Variants in GALNT1 observed in about 807,000 individuals in gnomAD.
GALNT1 encodes polypeptide N-acetylgalactosaminyltransferase 1, also known as GalNAc transferase 1.
GALNT1 carries 17 observed loss-of-function variants against 65.7 expected under a neutral mutation model. The ratio of observed to expected loss-of-function variants is 0.26; its 90% confidence interval spans 0.18 to 0.39. The LOEUF (loss-of-function observed/expected upper bound fraction) is 0.39, where lower values mean the gene tolerates loss of function less well. Among genes scored for constraint, GALNT1 ranks in the 10% least tolerant of loss-of-function variants. GALNT1 has a pLI of 1.00. For missense variants in GALNT1, 460 were observed against 672.8 expected (o/e 0.68, Z 3.50); for synonymous variants, 210 against 219.7 (o/e 0.96, Z 0.39).
chr18:35,637,579 T>G (rs2047107488), intron 1 of GALNT1, among the ~76,000 whole-genome samples: 1 of 152,168 alleles, frequency 6.6e-6, no homozygotes, highest in South Asian at 2.1e-4. Context: ...AGAGATTGGT[T>G]CAGGAGGTTT....
At chr18:35,615,702 C>T (rs187916196) in intron 1 of GALNT1, among the ~76,000 whole-genome samples, 10 of 152,234 alleles carry the variant, frequency 6.6e-5, no homozygotes, top group East Asian at 1.9e-4. Context: ...TATGTCAGTA[C>T]GCATACATAC....
At chr18:35,633,324 GA>G (rs1471281571) in intron 1 of GALNT1, among the ~76,000 whole-genome samples, 2 of 152,134 alleles carry the variant, frequency 1.3e-5, no homozygotes, top group Non-Finnish European at 2.9e-5. Context: ...ACTGGATTAA[GA>G]AAATGTGGCA....
Position 35,632,248 on chromosome 18 carries a change from C to T in GALNT1, c.-103-22312C>T, listed in dbSNP as rs540621593. Among the ~76,000 whole-genome samples the T allele has an allele frequency of 3.9e-5, 6 of 152,266 alleles. No individual in the cohort carries two copies. The South Asian group carries it at 1.0e-3, about 26-fold the overall frequency. ...AAAGAGCCCACATTGTCAAGTCAATCCTAAGCCAAAAGAACAAAGCTGGAG... is the reference window on the plus strand; with the variant it reads ...AAAGAGCCCACATTGTCAAGTCAATTCTAAGCCAAAAGAACAAAGCTGGAG... On this transcript the variant is annotated intron_variant, in intron 1 of 11. Transcript: ENST00000269195.
chr18:35,686,984 A>T, intron 5 of GALNT1, 32 bp from the exon 6 acceptor site: 1 of 1,585,636 alleles, frequency 6.3e-7, no homozygotes, highest in Non-Finnish European at 8.6e-7. Context: ...GAATGTTTTG[A>T]AAGATTTCTT....
At chr18:35,620,645 A>T (rs185717747) in intron 1 of GALNT1, among the ~76,000 whole-genome samples, 42 of 152,310 alleles carry the variant, frequency 2.8e-4, no homozygotes, top group African/African-American at 1.0e-3. Context: ...AATGGAACAT[A>T]TTGTACATAT....
chr18:35,595,083 G>A (rs1256082898), intron 1 of GALNT1, among the ~76,000 whole-genome samples: 4 of 152,002 alleles, frequency 2.6e-5, no homozygotes, highest in Admixed American at 6.6e-5. Context: ...TTGGGATGGG[G>A]CCTAAATGAA....
chr18:35,584,160 T>C (rs1265014269), intron 1 of GALNT1, among the ~76,000 whole-genome samples: 1 of 152,248 alleles, frequency 6.6e-6, no homozygotes, highest in Non-Finnish European at 1.5e-5. Flanking sequence ...AGGAATACTG[T>C]CCTGGCTTTC....
At chr18:35,600,646 A>C (rs190471745) in intron 1 of GALNT1, among the ~76,000 whole-genome samples, 1 of 152,108 alleles carries the variant, frequency 6.6e-6, no homozygotes, top group Non-Finnish European at 1.5e-5. Flanking sequence ...GTACAATGTT[A>C]GCTGTGGGTT....
intron 1 of GALNT1, among the ~76,000 whole-genome samples, chr18:35,635,544 A>C (rs1452081071): frequency 6.6e-6 from 1 of 152,228 alleles, no homozygotes; most frequent in Non-Finnish European, 1.5e-5. Flanking sequence ...GGAATCCCCT[A>C]GAGATTAGCA....
At chr18:35,680,172 T>A (rs2047766071) in intron 4 of GALNT1, among the ~76,000 whole-genome samples, 1 of 152,218 alleles carries the variant, frequency 6.6e-6, no homozygotes. Flanking sequence ...TCCTTCTTCC[T>A]ATCTCAGGGC....
chr18:35,615,054 T>TA (rs1014858232), intron 1 of GALNT1, among the ~76,000 whole-genome samples: 10 of 152,046 alleles, frequency 6.6e-5, no homozygotes, highest in South Asian at 2.1e-4. Context: ...TTATTGCTAT[T>TA]AAAAAAAACA....
In GALNT1 at chr18:35,629,944, T is replaced by C. The variant is rs1006913313; in HGVS notation, c.-103-24616T>C. Among the ~76,000 whole-genome samples, 144 of 151,890 alleles carry C rather than the reference T, an allele frequency of 9.5e-4. 1 individual carries two copies. The highest frequency in any genetic ancestry group is 3.0e-3 in the African/African-American group (125 of 41,414). ...AAGTCAGACTTTAAACCAACAAAGA[T>C]CAAAAGAGACAAAGAAGGCCATTAC... On this transcript the variant is annotated intron_variant, in intron 1 of 11. Transcript: ENST00000269195.
At chr18:35,625,872 T>G (rs550566968) in intron 1 of GALNT1, among the ~76,000 whole-genome samples, 3 of 152,272 alleles carry the variant, frequency 2.0e-5, no homozygotes, top group Admixed American at 6.5e-5. Flanking sequence ...TGATTAAAAA[T>G]TAAAGTATGA....
At chr18:35,639,883 A>C (rs879501239) in intron 1 of GALNT1, among the ~76,000 whole-genome samples, 16 of 151,694 alleles carry the variant, frequency 1.1e-4, no homozygotes, top group Admixed American at 2.0e-4. Flanking sequence ...TGCAACCTCC[A>C]CCTCCCGGGT....
chr18:35,696,030 C>A (rs1488654620), intron 9 of GALNT1, among the ~76,000 whole-genome samples: 1 of 152,302 alleles, frequency 6.6e-6, no homozygotes, highest in East Asian at 1.9e-4. Context: ...GGCAAGCTTG[C>A]GTCTTACCTG....
intron 1 of GALNT1, among the ~76,000 whole-genome samples, chr18:35,649,113 C>T (rs962426695): frequency 1.3e-5 from 2 of 152,160 alleles, no homozygotes; most frequent in Non-Finnish European, 2.9e-5. Flanking sequence ...AACGGGATTA[C>T]AGATTCTTGT....
intron 3 of GALNT1, chr18:35,664,144 A>G (rs760768522): frequency 3.7e-6 from 1 of 268,370 alleles, no homozygotes; most frequent in Non-Finnish European, 7.1e-6. Context: ...AGTCGTAAGT[A>G]TACAGCTCAC....
chr18:35,708,174 G>A (rs2048296933), intron 11 of GALNT1, among the ~76,000 whole-genome samples: 1 of 151,976 alleles, frequency 6.6e-6, no homozygotes, highest in Admixed American at 6.6e-5. Flanking sequence ...TGACAAATCT[G>A]GAAATCACCC....
chr18:35,653,202 G>A (rs957792149), intron 1 of GALNT1, among the ~76,000 whole-genome samples: 2 of 152,116 alleles, frequency 1.3e-5, no homozygotes, highest in African/African-American at 2.4e-5. Context: ...TTGCAGTCAG[G>A]GAGTATTGGT....
Sources: gnomAD v4.1 joint callset for allele counts (sites outside exome capture counted in the v4.1 genomes callset) on GRCh38, gnomAD v4.1.1 for gene constraint, MANE v1.5 for transcripts, NCBI Gene and HGNC (gene_info 2026-07-23, HGNC 2026-07-21) for gene names.